The following FAM168A variants were observed in gnomAD, a reference collection of about 807,000 sequenced individuals.
FAM168A encodes family with sequence similarity 168 member A.
A neutral mutation model predicts 28.5 loss-of-function variants in FAM168A; 3 were observed. The observed-to-expected ratio is 0.11, with a 90% CI of 0.05 to 0.27. FAM168A has a LOEUF of 0.27. FAM168A is among the 10% of genes least tolerant of loss of function. The pLI is 1.00. For missense variants in FAM168A, 222 were observed against 311.5 expected (o/e 0.71, Z 2.16); for synonymous variants, 122 against 124.2 (o/e 0.98, Z 0.12).
At chr11:73,471,228 A>G (rs909984769) in intron 1 of FAM168A, among the ~76,000 whole-genome samples, 1 of 152,142 alleles carries the variant, frequency 6.6e-6, no homozygotes, top group Non-Finnish European at 1.5e-5. Context: ...TAAACTCTAC[A>G]ATCAGGCAGA....
intron 2 of FAM168A, among the ~76,000 whole-genome samples, chr11:73,458,994 G>T (rs1408665864): frequency 2.6e-5 from 4 of 152,190 alleles, no homozygotes; most frequent in African/African-American, 9.7e-5. Flanking sequence ...AAAGTATTGT[G>T]CTTCTTATGT....
At chr11:73,505,640 G>A (rs1183415494) in intron 1 of FAM168A, among the ~76,000 whole-genome samples, 1 of 152,138 alleles carries the variant, frequency 6.6e-6, no homozygotes, top group African/African-American at 2.4e-5. Flanking sequence ...GGACAGTCAA[G>A]GAAAGTCTCA....
At chr11:73,568,855 A>G (rs891807268) in intron 1 of FAM168A, among the ~76,000 whole-genome samples, 2 of 152,216 alleles carry the variant, frequency 1.3e-5, no homozygotes, top group Non-Finnish European at 2.9e-5. Flanking sequence ...AAATCCAGCC[A>G]CTGCACAAGC....
At chr11:73,435,800 C>A (rs1867077712) in intron 2 of FAM168A, among the ~76,000 whole-genome samples, 1 of 152,186 alleles carries the variant, frequency 6.6e-6, no homozygotes, top group African/African-American at 2.4e-5. Context: ...CATACCGTCT[C>A]TATTTCACTC....
Position 73,452,925 on chromosome 11 carries a change from C to T in FAM168A, c.70+15480G>A, listed in dbSNP as rs568296778. 7.9e-5 allele frequency among the ~76,000 whole-genome samples: 12 copies of T among 152,034 alleles called. No individual in the cohort carries two copies. In the East Asian group the frequency reaches 1.4e-3, roughly 17 times the overall value. On this transcript the variant is annotated intron_variant, in intron 2 of 7. Coordinates refer to ENST00000356467, the MANE Select transcript of FAM168A (RefSeq NM_015159.3). ...AAAAAAAAAGTACTGAATAAATAGG[C>T]GCACCTTCCTGGGGTGTTAATTTTA...
intron 1 of FAM168A, among the ~76,000 whole-genome samples, chr11:73,516,676 T>G (rs1943308796): frequency 6.6e-6 from 1 of 152,240 alleles, no homozygotes; most frequent in Non-Finnish European, 1.5e-5. Flanking sequence ...TGTCCACCTC[T>G]TCTCATAGAT....
At chr11:73,460,353 TCATTA>T (rs1481162547) in intron 2 of FAM168A, among the ~76,000 whole-genome samples, 10 of 152,132 alleles carry the variant, frequency 6.6e-5, no homozygotes, top group Admixed American at 6.5e-4. Flanking sequence ...CCTCCTTCAT[TCATTA>T]GAGTCTCATC....
chr11:73,445,526 A>G (rs997581495), intron 2 of FAM168A, among the ~76,000 whole-genome samples: 3 of 141,946 alleles, frequency 2.1e-5, no homozygotes, highest in Admixed American at 7.6e-5. Flanking sequence ...TCAGCATCCC[A>G]AAGTGCTGGG....
chr11:73,522,008 T>A (rs1409584258), intron 1 of FAM168A, among the ~76,000 whole-genome samples: 1 of 152,030 alleles, frequency 6.6e-6, no homozygotes, highest in Non-Finnish European at 1.5e-5. Context: ...AAAGAAGATA[T>A]CCTACTTTAC....
chr11:73,580,588 C>A, intron 1 of FAM168A: 3 of 506,960 alleles, frequency 5.9e-6, no homozygotes, highest in South Asian at 3.2e-5. Context: ...TATTTTTAAT[C>A]AAGTTTTATA....
At chr11:73,538,079 T>C (rs1037001107) in intron 1 of FAM168A, among the ~76,000 whole-genome samples, 5 of 152,186 alleles carry the variant, frequency 3.3e-5, no homozygotes, top group South Asian at 4.1e-4. Flanking sequence ...GAAAAAACTA[T>C]GGCTCAGAAA....
chr11:73,432,797 C>G (rs1867018858), intron 2 of FAM168A, among the ~76,000 whole-genome samples: 2 of 152,072 alleles, frequency 1.3e-5, no homozygotes, highest in Admixed American at 1.3e-4. Context: ...TGCCTGTACT[C>G]CCAGCTACTT....
At chr11:73,504,074 C>G (rs1855062707) in intron 1 of FAM168A, among the ~76,000 whole-genome samples, 1 of 152,090 alleles carries the variant, frequency 6.6e-6, no homozygotes, top group Admixed American at 6.6e-5. Context: ...TAGGCAATAC[C>G]ATTCAGGACA....
At chr11:73,539,587 C>A (rs944635846) in intron 1 of FAM168A, among the ~76,000 whole-genome samples, 4 of 152,118 alleles carry the variant, frequency 2.6e-5, no homozygotes, top group African/African-American at 7.2e-5. Context: ...CTTTACTAGA[C>A]AAGAAGCTCT....
At chr11:73,420,143 G>A (rs1489444105) in intron 3 of FAM168A, 144 bp from the exon 4 acceptor site, 1 of 870,918 alleles carries the variant, frequency 1.1e-6, no homozygotes, top group East Asian at 2.8e-5. Flanking sequence ...CAGCCTTTCT[G>A]AGATGGTTGA....
intron 1 of FAM168A, among the ~76,000 whole-genome samples, chr11:73,563,312 G>A (rs753937707): frequency 2.6e-5 from 4 of 152,180 alleles, no homozygotes; most frequent in African/African-American, 9.6e-5. Flanking sequence ...ACTATCCTCT[G>A]AGGACAATAC....
At chr11:73,453,003 C>T (rs1052006586) in intron 2 of FAM168A, among the ~76,000 whole-genome samples, 3 of 152,120 alleles carry the variant, frequency 2.0e-5, no homozygotes, top group Admixed American at 6.5e-5. Flanking sequence ...AGTATGACTA[C>T]ATAATGGTGC....
intron 1 of FAM168A, among the ~76,000 whole-genome samples, chr11:73,482,841 C>A (rs142042946): frequency 6.6e-6 from 1 of 152,044 alleles, no homozygotes; most frequent in African/African-American, 2.4e-5. Context: ...TGGGTTCAAG[C>A]GATTCTCCTA....
intron 2 of FAM168A, among the ~76,000 whole-genome samples, chr11:73,467,626 C>T (rs544955077): frequency 1.7e-4 from 26 of 152,268 alleles, no homozygotes; most frequent in East Asian, 7.7e-4. Flanking sequence ...TTAGTAAGAA[C>T]GAAGGCAGCC....
Sources: gnomAD v4.1 joint callset for allele counts (sites outside exome capture counted in the v4.1 genomes callset) on GRCh38, gnomAD v4.1.1 for gene constraint, MANE v1.5 for transcripts, NCBI Gene and HGNC (gene_info 2026-07-23, HGNC 2026-07-21) for gene names.